Variants in CLVS1 observed in about 807,000 individuals in gnomAD.
The protein encoded by CLVS1 is clavesin 1, also known as clavesin-1.
In CLVS1, 10 loss-of-function variants were observed where a neutral mutation model predicts 33.1. The observed-to-expected ratio is 0.30, with a 90% CI of 0.19 to 0.51. CLVS1 has a LOEUF of 0.51. Ranked by LOEUF, CLVS1 falls within the 20% of genes least tolerant of loss-of-function variation. The probability of loss-of-function intolerance (pLI) is 0.97; values close to 1 mark genes in which losing one functional copy is unlikely to be tolerated. For missense variants in CLVS1, 343 were observed against 433.4 expected (o/e 0.79, Z 1.85); for synonymous variants, 163 against 166.1 (o/e 0.98, Z 0.14).
chr8:61,376,789 A>G lies in CLVS1; in HGVS notation c.630+10A>G, dbSNP rs746136835. 2.6e-5 allele frequency: 42 copies of G among 1,611,304 alleles called. No homozygotes were observed. The South Asian group carries it at 3.0e-4, about 11-fold the overall frequency. On this transcript the variant is annotated intron_variant, in intron 3 of 5. Coordinates refer to ENST00000325897, the MANE Select transcript of CLVS1 (RefSeq NM_173519.3). ...CATTGAAGGGTTGCAGGTATGTTCAATGAATGCGCAATACAAGACCATGTG... is the reference window on the plus strand; with the variant it reads ...CATTGAAGGGTTGCAGGTATGTTCAGTGAATGCGCAATACAAGACCATGTG...
intron 3 of CLVS1, among the ~76,000 whole-genome samples, chr8:61,436,237 G>A (rs1409522443): frequency 6.6e-6 from 1 of 152,106 alleles, no homozygotes; most frequent in African/African-American, 2.4e-5. Context: ...TAAATGCACT[G>A]CAATGTATCT....
chr8:61,030,408 C>T, the CLVS1 span, among the ~76,000 whole-genome samples: 1 of 152,072 alleles, frequency 6.6e-6, no homozygotes, highest in East Asian at 1.9e-4. Flanking sequence ...CTACATTTTG[C>T]AACATTAATG....
intron 5 of CLVS1, among the ~76,000 whole-genome samples, chr8:61,481,111 C>A (rs1445035753): frequency 1.3e-5 from 2 of 152,064 alleles, no homozygotes; most frequent in Non-Finnish European, 2.9e-5. Flanking sequence ...GTGTTGTTGA[C>A]CTGTGAGGGC....
chr8:61,490,984 G>GA (rs1373798946), intron 5 of CLVS1, among the ~76,000 whole-genome samples: 1 of 149,716 alleles, frequency 6.7e-6, no homozygotes, highest in Non-Finnish European at 1.5e-5. Flanking sequence ...AAAAAAAAAA[G>GA]AAAGAAAGAA....
intron 2 of CLVS1, among the ~76,000 whole-genome samples, chr8:61,313,355 T>G (rs1475418642): frequency 6.6e-6 from 1 of 151,802 alleles, no homozygotes; most frequent in African/African-American, 2.4e-5. Flanking sequence ...GCACAGAAAA[T>G]AAGGACCCAC....
intron 2 of CLVS1, among the ~76,000 whole-genome samples, chr8:61,323,875 T>C (rs1246558022): frequency 2.0e-5 from 3 of 152,284 alleles, no homozygotes; most frequent in Admixed American, 2.0e-4. Context: ...CTCCCACTTA[T>C]AAGTCAGAAC....
At chr8:60,992,943 T>C in the CLVS1 span, among the ~76,000 whole-genome samples, 2 of 152,210 alleles carry the variant, frequency 1.3e-5, no homozygotes, top group Non-Finnish European at 1.5e-5. Context: ...AGGAGCCCTG[T>C]CAGGGCCTGG....
intron 5 of CLVS1, among the ~76,000 whole-genome samples, chr8:61,497,446 G>GGC (rs140802781): frequency 4.0e-5 from 6 of 148,422 alleles, no homozygotes; most frequent in Admixed American, 2.0e-4. Context: ...TTTTATTGGG[G>GGC]GGGGGGTGTC....
At chr8:61,171,840 T>C (rs909614219) in intron 2 of CLVS1, among the ~76,000 whole-genome samples, 1 of 152,202 alleles carries the variant, frequency 6.6e-6, no homozygotes, top group African/African-American at 2.4e-5. Context: ...AATACTTTTG[T>C]AAGAAAGAAA....
chr8:61,042,977 G>C, the CLVS1 span, among the ~76,000 whole-genome samples: 1 of 152,176 alleles, frequency 6.6e-6, no homozygotes, highest in East Asian at 1.9e-4. Context: ...TAACCCTTGG[G>C]AATAGGTTAT....
chr8:61,382,502 G>T (rs1475226975), intron 3 of CLVS1, among the ~76,000 whole-genome samples: 1 of 152,150 alleles, frequency 6.6e-6, no homozygotes, highest in Non-Finnish European at 1.5e-5. Flanking sequence ...CAGATTTTCA[G>T]GCCCTGCCCC....
intron 5 of CLVS1, among the ~76,000 whole-genome samples, chr8:61,487,643 A>T (rs3920015): frequency 1.3e-5 from 2 of 152,052 alleles, no homozygotes; most frequent in South Asian, 2.1e-4. Context: ...TGAAAAGCAA[A>T]TTCCTCCATC....
chr8:61,101,628 C>T lies in CLVS1; in HGVS notation c.-242-30142C>T, dbSNP rs529148638. Reference sequence around the variant, plus strand: ...TAAAAGTTTTTAACTTTGATGATGTCTGGTTTATTTATTTATTTATTTGCT... The same window carrying T: ...TAAAAGTTTTTAACTTTGATGATGTTTGGTTTATTTATTTATTTATTTGCT... On this transcript the variant is annotated intron_variant, in intron 1 of 2. Coordinates refer to the CLVS1 transcript ENST00000522621. Among the ~76,000 whole-genome samples the T allele has an allele frequency of 9.2e-5, 14 of 152,096 alleles. No individual in the cohort carries two copies. The South Asian group carries it at 2.3e-3, about 25-fold the overall frequency.
intron 2 of CLVS1, among the ~76,000 whole-genome samples, chr8:61,357,139 A>G (rs1468873134): frequency 2.0e-5 from 3 of 152,098 alleles, no homozygotes; most frequent in Admixed American, 1.3e-4. Context: ...CATCCCTTGT[A>G]AGTTGGATTC....
chr8:61,030,097 T>A, the CLVS1 span, among the ~76,000 whole-genome samples: 1 of 152,232 alleles, frequency 6.6e-6, no homozygotes, highest in African/African-American at 2.4e-5. Flanking sequence ...GCCAGTGGAC[T>A]AGGCACACCC....
intron 1 of CLVS1, among the ~76,000 whole-genome samples, chr8:61,116,055 A>G (rs1181352978): frequency 1.3e-5 from 2 of 150,760 alleles, no homozygotes; most frequent in African/African-American, 4.9e-5. Flanking sequence ...TGACTTTTTA[A>G]TGATCACCAT....
chr8:61,425,281 A>C (rs1022153851), intron 3 of CLVS1, among the ~76,000 whole-genome samples: 6 of 152,138 alleles, frequency 3.9e-5, no homozygotes, highest in Non-Finnish European at 7.4e-5. Flanking sequence ...GTTTTTCTCT[A>C]TTCTAAGATT....
intron 2 of CLVS1, among the ~76,000 whole-genome samples, chr8:61,368,553 C>T (rs1266793806): frequency 6.6e-6 from 1 of 152,110 alleles, no homozygotes; most frequent in Non-Finnish European, 1.5e-5. Context: ...GGATGACAGT[C>T]CCCAAACTCT....
intron 2 of CLVS1, chr8:61,203,117 G>T: frequency 8.1e-7 from 1 of 1,231,112 alleles, no homozygotes. Context: ...AGAAAAAGGT[G>T]GTTCTCTTCC....
Sources: allele counts gnomAD v4.1 joint callset (sites outside exome capture counted in the v4.1 genomes callset), GRCh38; gene constraint gnomAD v4.1.1; transcripts MANE v1.5; gene names NCBI Gene and HGNC (gene_info 2026-07-23, HGNC 2026-07-21).